SORCS1: variants seen among roughly 807,000 people sequenced by gnomAD.
The protein encoded by SORCS1 is sortilin related VPS10 domain containing receptor 1, also known as VPS10 domain-containing receptor SorCS1.
A neutral mutation model predicts 146.1 loss-of-function variants in SORCS1; 60 were observed. That is an observed-to-expected ratio of 0.41 (90% CI 0.33 to 0.51). The LOEUF (loss-of-function observed/expected upper bound fraction) is 0.51. Ranked by LOEUF, SORCS1 falls within the 20% of genes least tolerant of loss-of-function variation. The pLI, the probability that SORCS1 is intolerant of heterozygous loss-of-function variation, is 0.21. For synonymous variants in SORCS1, 637 were observed against 584.0 expected, an observed-to-expected ratio of 1.09 and a Z score of -1.31; for missense variants, 1,352 against 1,487.6, an observed-to-expected ratio of 0.91 and a Z score of 1.50.
chr10:107,147,693 G>C (rs1386567908), intron 1 of SORCS1, among the ~76,000 whole-genome samples: 1 of 152,066 alleles, frequency 6.6e-6, no homozygotes, highest in African/African-American at 2.4e-5. Flanking sequence ...TACCAAGAGA[G>C]GTAAATAAAA....
At chr10:106,650,498 A>T (rs1849779398) in intron 18 of SORCS1, among the ~76,000 whole-genome samples, 1 of 152,172 alleles carries the variant, frequency 6.6e-6, no homozygotes, top group Non-Finnish European at 1.5e-5. Flanking sequence ...TTACTTGGGT[A>T]TTATGAAATA....
At chr10:107,101,713 T>A (rs560672387) in intron 1 of SORCS1, among the ~76,000 whole-genome samples, 1 of 151,996 alleles carries the variant, frequency 6.6e-6, no homozygotes, top group Non-Finnish European at 1.5e-5. Context: ...ATGTCAAGCA[T>A]AACATTTCCA....
chr10:106,978,246 G>A (rs1344128946), intron 1 of SORCS1, among the ~76,000 whole-genome samples: 29 of 152,158 alleles, frequency 1.9e-4, no homozygotes, highest in Admixed American at 1.5e-3. Flanking sequence ...TGCCTGGCCT[G>A]TGGTTAATCA....
intron 6 of SORCS1, among the ~76,000 whole-genome samples, chr10:106,717,158 G>T (rs1855433956): frequency 6.6e-6 from 1 of 152,134 alleles, no homozygotes; most frequent in African/African-American, 2.4e-5. Context: ...ATTTAAATCA[G>T]CAATTTAAGC....
chr10:107,001,499 G>A (rs1957220781), intron 1 of SORCS1, among the ~76,000 whole-genome samples: 1 of 152,148 alleles, frequency 6.6e-6, no homozygotes, highest in South Asian at 2.1e-4. Context: ...TAATAGGAAG[G>A]AAGGAAGTAG....
chr10:107,172,870 T>C, the SORCS1 span, among the ~76,000 whole-genome samples: 1 of 152,230 alleles, frequency 6.6e-6, no homozygotes, highest in African/African-American at 2.4e-5. Context: ...CTATTGCTAT[T>C]AGCTGAAGTT....
chr10:106,814,051 G>T (rs1265172019), intron 3 of SORCS1, among the ~76,000 whole-genome samples: 1 of 151,902 alleles, frequency 6.6e-6, no homozygotes, highest in Non-Finnish European at 1.5e-5. Context: ...TTGACTTATT[G>T]GCAAGTATTT....
intron 1 of SORCS1, among the ~76,000 whole-genome samples, chr10:107,020,342 A>G (rs1040430921): frequency 1.3e-5 from 2 of 152,212 alleles, no homozygotes; most frequent in Non-Finnish European, 2.9e-5. Context: ...ATTCTGTTCA[A>G]ATCTGATACC....
At chr10:106,699,116 A>C in intron 9 of SORCS1, 98 bp downstream of exon 9, 1 of 1,065,550 alleles carries the variant, frequency 9.4e-7, no homozygotes, top group East Asian at 2.7e-5. Context: ...CCACATAAGG[A>C]ACTGTATTAA....
chr10:106,896,069 T>A (rs559292536), intron 2 of SORCS1, among the ~76,000 whole-genome samples: 37 of 152,244 alleles, frequency 2.4e-4, no homozygotes, highest in African/African-American at 8.9e-4. Context: ...ATAAGCCAGT[T>A]ACACAAACAC....
At chr10:107,130,744 T>A (rs1382711658) in intron 1 of SORCS1, among the ~76,000 whole-genome samples, 1 of 152,176 alleles carries the variant, frequency 6.6e-6, no homozygotes, top group African/African-American at 2.4e-5. Flanking sequence ...TTTTCTTTTT[T>A]TTTTTTTAAT....
At chr10:107,000,715 A>C (rs1219512378) in intron 1 of SORCS1, among the ~76,000 whole-genome samples, 1 of 152,240 alleles carries the variant, frequency 6.6e-6, no homozygotes, top group Admixed American at 6.5e-5. Context: ...TACAGGCAAG[A>C]AGATTGAACA....
intron 3 of SORCS1, among the ~76,000 whole-genome samples, chr10:106,800,052 A>C (rs1946784304): frequency 6.6e-6 from 1 of 152,174 alleles, no homozygotes; most frequent in Non-Finnish European, 1.5e-5. Context: ...AGGACCTATT[A>C]CAGGGAGTCA....
At chr10:106,959,719 C>T (rs1955133012) in intron 1 of SORCS1, among the ~76,000 whole-genome samples, 1 of 152,172 alleles carries the variant, frequency 6.6e-6, no homozygotes. Flanking sequence ...CGCTCTATTG[C>T]TCAGTCTGGT....
intron 15 of SORCS1, 127 bp from the exon 16 acceptor site, chr10:106,671,494 G>T: frequency 1.5e-6 from 2 of 1,341,022 alleles, no homozygotes; most frequent in Non-Finnish European, 1.0e-6. Flanking sequence ...CCCTCTTTGT[G>T]CTAACAACAT....
chr10:106,711,100 T>C lies in SORCS1; in HGVS notation c.1025-1759A>G, dbSNP rs185308667. The stretch of plus-strand genomic sequence containing the variant: ...TCTCTATAAAGACAAATGCCTTTTT[T>C]GTTTTTGTTGTTGTTGCTGTTATTC... On this transcript the variant is annotated intron_variant, in intron 6 of 25. Coordinates refer to ENST00000263054, the MANE Select transcript of SORCS1 (RefSeq NM_052918.5). Among the ~76,000 whole-genome samples, 27 of 152,366 alleles carry C rather than the reference T, an allele frequency of 1.8e-4. No individual in the cohort carries two copies. The East Asian group carries it at 5.0e-3, about 28-fold the overall frequency.
chr10:106,685,710 G>A (rs1337825898), intron 10 of SORCS1, among the ~76,000 whole-genome samples: 1 of 152,080 alleles, frequency 6.6e-6, no homozygotes, highest in Non-Finnish European at 1.5e-5. Flanking sequence ...AGAGGCTGGA[G>A]ACCAGGGAGG....
chr10:107,094,176 C>A (rs2134331296), intron 1 of SORCS1, among the ~76,000 whole-genome samples: 1 of 152,044 alleles, frequency 6.6e-6, no homozygotes, highest in Admixed American at 6.6e-5. Flanking sequence ...TCTATGAAGG[C>A]AAACATTTTT....
At chr10:107,066,244 T>G (rs1961847253) in intron 1 of SORCS1, among the ~76,000 whole-genome samples, 1 of 152,196 alleles carries the variant, frequency 6.6e-6, no homozygotes, top group Non-Finnish European at 1.5e-5. Flanking sequence ...CACTTTCTAT[T>G]GCCATTTATT....
Sources: allele counts gnomAD v4.1 joint callset (sites outside exome capture counted in the v4.1 genomes callset), GRCh38; gene constraint gnomAD v4.1.1; transcripts MANE v1.5; gene names NCBI Gene and HGNC (gene_info 2026-07-23, HGNC 2026-07-21).